The following SH3RF3 variants were observed in gnomAD, a reference collection of about 807,000 sequenced individuals.
The protein encoded by SH3RF3 is E3 ubiquitin-protein ligase SH3RF3.
A neutral mutation model predicts 66.3 loss-of-function variants in SH3RF3; 29 were observed. The observed-to-expected ratio is 0.44, with a 90% CI of 0.33 to 0.60. The LOEUF (loss-of-function observed/expected upper bound fraction) is 0.60, where lower values mean the gene tolerates loss of function less well. Ranked by LOEUF, SH3RF3 falls within the 20% of genes least tolerant of loss-of-function variation. The probability of loss-of-function intolerance (pLI) is 0.04; values close to 1 mark genes in which losing one functional copy is unlikely to be tolerated. For synonymous variants in SH3RF3, 583 were observed against 532.0 expected (o/e 1.10, Z -1.32); for missense variants, 1,194 against 1,190.9 (o/e 1.00, Z -0.04).
chr2:109,381,345 T>C (rs371686051), intron 3 of SH3RF3, among the ~76,000 whole-genome samples: 88 of 152,318 alleles, frequency 5.8e-4, no homozygotes, highest in African/African-American at 2.0e-3. Context: ...ATATGGACAG[T>C]GCACTTTCCA....
rs72952027 is a variant in SH3RF3, at chr2:109,204,832, A to G, written c.573+74719A>G. On this transcript the variant is annotated intron_variant, in intron 1 of 9. Coordinates refer to ENST00000309415, the MANE Select transcript of SH3RF3 (RefSeq NM_001099289.3). ...TTGAACTTGTTTCTTGATTCCCTGT[A>G]TTTTCTGTAGCGTGGAAGTGGGGGC... is the stretch of plus-strand genomic sequence containing the variant. Among the ~76,000 whole-genome samples, 1,352 of 152,134 alleles carry G rather than the reference A, an allele frequency of 8.9e-3. 19 individuals carry two copies. Among genetic ancestry groups the G allele is most frequent in the African/African-American group, 0.031 (1,292 of 41,478 alleles).
chr2:109,328,637 G>A (rs1167464237), intron 1 of SH3RF3, among the ~76,000 whole-genome samples: 2 of 152,122 alleles, frequency 1.3e-5, no homozygotes, highest in Admixed American at 6.5e-5. Context: ...CTAGGTCATG[G>A]TACTGATATA....
At chr2:109,168,799 C>T (rs1402726945) in intron 1 of SH3RF3, among the ~76,000 whole-genome samples, 1 of 152,234 alleles carries the variant, frequency 6.6e-6, no homozygotes, top group Non-Finnish European at 1.5e-5. Context: ...AACAGTAGAT[C>T]TCTGTCTTCC....
intron 1 of SH3RF3, among the ~76,000 whole-genome samples, chr2:109,254,238 T>C (rs1343693159): frequency 2.0e-5 from 3 of 152,186 alleles, no homozygotes; most frequent in Non-Finnish European, 4.4e-5. Context: ...ATGTCTGACC[T>C]GAGGACAATC....
rs377117051 is a variant in SH3RF3, at chr2:109,421,627, C to T, written c.1403+1985C>T. ...CTGGGGGACAGGGTTGCTGTGACCT[C>T]TAGCTCTCCACCTTCTCCCTCTGGG... is the stretch of plus-strand genomic sequence containing the variant. On this transcript the variant is annotated intron_variant, in intron 5 of 9. Coordinates refer to ENST00000309415, the MANE Select transcript of SH3RF3 (RefSeq NM_001099289.3). Among the ~76,000 whole-genome samples the T allele has an allele frequency of 4.6e-5, 7 of 152,350 alleles. No individual in the cohort carries two copies. The East Asian group carries it at 1.2e-3, about 25-fold the overall frequency.
At chr2:109,350,814 C>T (rs1027561846) in intron 2 of SH3RF3, among the ~76,000 whole-genome samples, 2 of 152,210 alleles carry the variant, frequency 1.3e-5, no homozygotes, top group South Asian at 4.1e-4. Flanking sequence ...CCAGCTTGGT[C>T]TCCCCTCTGG....
chr2:109,496,063 T>G (rs1679253287), intron 9 of SH3RF3, among the ~76,000 whole-genome samples: 1 of 152,194 alleles, frequency 6.6e-6, no homozygotes, highest in African/African-American at 2.4e-5. Flanking sequence ...CGGGTTGCCC[T>G]GGGGTGGCCA....
intron 8 of SH3RF3, among the ~76,000 whole-genome samples, chr2:109,454,784 A>G (rs140525586): frequency 2.0e-5 from 3 of 152,122 alleles, no homozygotes; most frequent in African/African-American, 7.2e-5. Context: ...ACTTAATTCA[A>G]AAACATCTCG....
chr2:109,311,529 A>G (rs530383368), intron 1 of SH3RF3, among the ~76,000 whole-genome samples: 124 of 151,194 alleles, frequency 8.2e-4, no homozygotes, highest in African/African-American at 2.8e-3. Flanking sequence ...AGGGTATTCA[A>G]TGAGGAAAAG....
chr2:109,200,781 C>T lies in SH3RF3; in HGVS notation c.573+70668C>T, dbSNP rs140841378. 4.6e-3 allele frequency among the ~76,000 whole-genome samples: 698 copies of T among 152,302 alleles called. 5 individuals carry two copies. The highest frequency in any genetic ancestry group is 0.015 in the African/African-American group (624 of 41,564). ...ACTCCATGACCAGGTCCTTTAGGGCCGGCTGAGCACAGAAGAAAAACACAG... is the reference window on the plus strand; with the variant it reads ...ACTCCATGACCAGGTCCTTTAGGGCTGGCTGAGCACAGAAGAAAAACACAG... On this transcript the variant is annotated intron_variant, in intron 1 of 9. Transcript: ENST00000309415.
intron 1 of SH3RF3, among the ~76,000 whole-genome samples, chr2:109,178,228 A>T (rs993236204): frequency 6.6e-6 from 1 of 152,212 alleles, no homozygotes; most frequent in Non-Finnish European, 1.5e-5. Context: ...TTGCAGAGTC[A>T]TATTCTATAA....
intron 1 of SH3RF3, among the ~76,000 whole-genome samples, chr2:109,244,591 A>G (rs1266250805): frequency 6.6e-6 from 1 of 152,222 alleles, no homozygotes; most frequent in Non-Finnish European, 1.5e-5. Flanking sequence ...TATAGGAATA[A>G]GCTGGCAGGA....
intron 7 of SH3RF3, among the ~76,000 whole-genome samples, chr2:109,439,242 T>A (rs1010633970): frequency 1.3e-5 from 2 of 152,156 alleles, no homozygotes; most frequent in African/African-American, 2.4e-5. Flanking sequence ...ATCAGTTTAA[T>A]GTTACACACG....
intron 8 of SH3RF3, among the ~76,000 whole-genome samples, chr2:109,477,517 G>C (rs1678715026): frequency 6.6e-6 from 1 of 152,234 alleles, no homozygotes; most frequent in African/African-American, 2.4e-5. Flanking sequence ...GTGAGACCAG[G>C]AGAGCCTCTC....
Position 109,347,743 on chromosome 2 carries a change from T to C in SH3RF3, c.643T>C (p.Phe215Leu), listed in dbSNP as rs746237889. 1 of 1,613,830 alleles carries C rather than the reference T, an allele frequency of 6.2e-7. No individual in the cohort carries two copies. ...GGGGAAGGAACCTGGTGACCTCAAG[T>C]TCAACAAGGGGGACATCATCGTCCT... is the stretch of plus-strand genomic sequence containing the variant. ...YEGKEPGDLKFNKGDIIVLRR... is the reference protein window; with the variant it reads ...YEGKEPGDLKLNKGDIIVLRR... The change falls in exon 2 of 10, where the codon TTC (phenylalanine) becomes CTC (leucine). Residue 215 changes from phenylalanine (F) to leucine (L), a missense_variant. Phe to Leu is a conservative substitution (Grantham distance 22). Transcript: ENST00000309415.
At chr2:109,474,149 A>G (rs1650842872) in intron 8 of SH3RF3, among the ~76,000 whole-genome samples, 1 of 152,088 alleles carries the variant, frequency 6.6e-6, no homozygotes, top group Non-Finnish European at 1.5e-5. Flanking sequence ...GTGGCCAGGG[A>G]AGCTTGGCCG....
chr2:109,475,008 T>G (rs1678646552), intron 8 of SH3RF3, among the ~76,000 whole-genome samples: 1 of 152,220 alleles, frequency 6.6e-6, no homozygotes, highest in South Asian at 2.1e-4. Flanking sequence ...AGACGGAGTC[T>G]CGCTGTGTCA....
At chr2:109,476,686 G>C (rs182159922) in intron 8 of SH3RF3, among the ~76,000 whole-genome samples, 241 of 152,326 alleles carry the variant, frequency 1.6e-3, no homozygotes, top group Non-Finnish European at 2.6e-3. Context: ...AAAGAATTCA[G>C]GGTGAGTCTG....
intron 8 of SH3RF3, among the ~76,000 whole-genome samples, chr2:109,478,373 G>A (rs1245823085): frequency 1.3e-5 from 2 of 152,078 alleles, no homozygotes; most frequent in Non-Finnish European, 2.9e-5. Flanking sequence ...TCCCAGTTAC[G>A]TCTTTAAATC....
Sources: allele counts gnomAD v4.1 joint callset (sites outside exome capture counted in the v4.1 genomes callset), GRCh38; gene constraint gnomAD v4.1.1; transcripts MANE v1.5; gene names NCBI Gene and HGNC (gene_info 2026-07-23, HGNC 2026-07-21).